The following EYA4 variants were observed in gnomAD, a reference collection of about 807,000 sequenced individuals.
EYA4 encodes the protein EYA transcriptional coactivator and phosphatase 4, also known as protein phosphatase EYA4.
EYA4 carries 31 observed loss-of-function variants against 87.9 expected under a neutral mutation model. That is an observed-to-expected ratio of 0.35 (90% confidence interval 0.27 to 0.48). EYA4 has a LOEUF of 0.48. Among genes scored for constraint, EYA4 ranks in the 20% least tolerant of loss-of-function variants. The probability of loss-of-function intolerance (pLI) is 0.99; values close to 1 mark genes in which losing one functional copy is unlikely to be tolerated. For synonymous variants in EYA4, 263 were observed against 270.6 expected (o/e 0.97, Z 0.28); for missense variants, 678 against 761.4 (o/e 0.89, Z 1.29).
At chr6:133,322,540 A>G (rs1385328310) in intron 2 of EYA4, among the ~76,000 whole-genome samples, 1 of 152,178 alleles carries the variant, frequency 6.6e-6, no homozygotes, top group African/African-American at 2.4e-5. Flanking sequence ...GATGTTAGTC[A>G]TGAAGTTTTT....
chr6:133,514,191 G>A (rs886462005), intron 16 of EYA4, among the ~76,000 whole-genome samples: 8 of 152,158 alleles, frequency 5.3e-5, no homozygotes, highest in African/African-American at 2.4e-5. Flanking sequence ...GCAAGCTGCC[G>A]ACTTGCATGG....
chr6:133,254,751 A>G (rs564855434), intron 1 of EYA4, among the ~76,000 whole-genome samples: 1 of 152,296 alleles, frequency 6.6e-6, no homozygotes, highest in South Asian at 2.1e-4. Flanking sequence ...AGATGATCAG[A>G]TCAGAAGAGA....
chr6:133,429,537 G>GA (rs962123800), intron 3 of EYA4, among the ~76,000 whole-genome samples: 1 of 152,112 alleles, frequency 6.6e-6, no homozygotes, highest in Admixed American at 6.5e-5. Flanking sequence ...ACTGTGAGGG[G>GA]AAAAGTAGTT....
intron 2 of EYA4, among the ~76,000 whole-genome samples, chr6:133,340,320 C>T (rs1162233930): frequency 6.6e-6 from 1 of 152,174 alleles, no homozygotes; most frequent in Non-Finnish European, 1.5e-5. Context: ...GACTATCCCT[C>T]TGAATGCAAG....
intron 16 of EYA4, among the ~76,000 whole-genome samples, chr6:133,514,315 T>C (rs1403862474): frequency 6.6e-6 from 1 of 152,212 alleles, no homozygotes; most frequent in Non-Finnish European, 1.5e-5. Context: ...ATAATATGTT[T>C]TAACTTTAAA....
At chr6:133,420,581 T>TAAAGTAAGACTCTGAC (rs1236935636) in intron 3 of EYA4, among the ~76,000 whole-genome samples, 1 of 152,188 alleles carries the variant, frequency 6.6e-6, no homozygotes, top group African/African-American at 2.4e-5. Context: ...CACTTAGACT[T>TAAAGTAAGACTCTGAC]AAAGTAAGAC....
At chr6:133,509,325 G>T (rs1268688255) in intron 14 of EYA4, among the ~76,000 whole-genome samples, 1 of 151,180 alleles carries the variant, frequency 6.6e-6, no homozygotes, top group Non-Finnish European at 1.5e-5. Flanking sequence ...AATTCCTCAA[G>T]AGAGTAACTC....
At chr6:133,429,908 G>T (rs959014289) in intron 3 of EYA4, among the ~76,000 whole-genome samples, 8 of 152,256 alleles carry the variant, frequency 5.3e-5, no homozygotes, top group Admixed American at 3.3e-4. Context: ...TACATGTGCA[G>T]GTTTGTTATA....
chr6:133,429,047 C>T (rs903042023), intron 3 of EYA4, among the ~76,000 whole-genome samples: 6 of 149,494 alleles, frequency 4.0e-5, no homozygotes, highest in African/African-American at 1.5e-4. Context: ...CTGCCACAGC[C>T]TCCCGAGTAG....
chr6:133,473,998 T>G (rs1257408996), intron 11 of EYA4, among the ~76,000 whole-genome samples: 1 of 152,040 alleles, frequency 6.6e-6, no homozygotes, highest in Admixed American at 6.6e-5. Flanking sequence ...TCAGAATCCT[T>G]GCTTAACAAG....
At chr6:133,286,482 A>C (rs1384264715) in intron 2 of EYA4, among the ~76,000 whole-genome samples, 1 of 152,196 alleles carries the variant, frequency 6.6e-6, no homozygotes, top group African/African-American at 2.4e-5. Flanking sequence ...TTAGAGAGCA[A>C]GGAGATGCTA....
chr6:133,270,156 G>T (rs1444100462), intron 1 of EYA4, among the ~76,000 whole-genome samples: 1 of 152,004 alleles, frequency 6.6e-6, no homozygotes, highest in Non-Finnish European at 1.5e-5. Flanking sequence ...ACACACCCAG[G>T]GTCAATACTT....
At chr6:133,322,801 A>T (rs1255210400) in intron 2 of EYA4, among the ~76,000 whole-genome samples, 1 of 152,200 alleles carries the variant, frequency 6.6e-6, no homozygotes, top group African/African-American at 2.4e-5. Flanking sequence ...ATACAGAATG[A>T]ACCAATATAT....
chr6:133,286,139 T>A (rs1438036413), intron 2 of EYA4, among the ~76,000 whole-genome samples: 1 of 152,124 alleles, frequency 6.6e-6, no homozygotes, highest in Admixed American at 6.5e-5. Context: ...TGTGTTCTCC[T>A]AGGGTGATGA....
At chr6:133,506,337 T>C (rs1798618824) in intron 14 of EYA4, 142 bp downstream of exon 14, 2 of 594,594 alleles carry the variant, frequency 3.4e-6, no homozygotes, top group South Asian at 2.0e-5. Flanking sequence ...AGAGGAAAAA[T>C]TGTATATACA....
chr6:133,427,045 G>A (rs1040652244), intron 3 of EYA4, among the ~76,000 whole-genome samples: 11 of 152,158 alleles, frequency 7.2e-5, no homozygotes, highest in African/African-American at 2.7e-4. Flanking sequence ...TGTATTGTCT[G>A]TAAAGGAAAG....
intron 3 of EYA4, among the ~76,000 whole-genome samples, chr6:133,384,270 C>T (rs1028743873): frequency 6.6e-5 from 10 of 152,066 alleles, no homozygotes; most frequent in African/African-American, 1.7e-4. Flanking sequence ...TAGAAAATCC[C>T]AGCCCATGTG....
chr6:133,440,314 T>G (rs1195052285), intron 3 of EYA4, among the ~76,000 whole-genome samples: 3 of 152,218 alleles, frequency 2.0e-5, no homozygotes, highest in African/African-American at 7.2e-5. Flanking sequence ...TTTTATTCAA[T>G]TAACAATCTA....
At position 133,523,043 on chromosome 6, in the gene EYA4, C is replaced by G. The variant is rs756045097; in HGVS notation, c.1617-13C>G. 112 of 1,603,500 alleles carry G rather than the reference C, an allele frequency of 7.0e-5. No individual in the cohort carries two copies. Among genetic ancestry groups the G allele is most frequent in the Non-Finnish European group, 5.1e-6 (6 of 1,170,974 alleles). ...ATTAGAAAACAAACATGTATATTTC[C>G]TCCCTATTTTAGGAGTAACTGCATA... On this transcript the variant is annotated splice_polypyrimidine_tract_variant and intron_variant, in intron 17 of 19. Coordinates refer to ENST00000355286, the MANE Select transcript of EYA4 (RefSeq NM_004100.5).
Sources: allele counts gnomAD v4.1 joint callset (sites outside exome capture counted in the v4.1 genomes callset), GRCh38; gene constraint gnomAD v4.1.1; transcripts MANE v1.5; gene names NCBI Gene and HGNC (gene_info 2026-07-23, HGNC 2026-07-21).